MAGEA11: variants seen among roughly 807,000 people sequenced by gnomAD.
MAGEA11 encodes the protein melanoma-associated antigen 11.
MAGEA11 carries 1 observed loss-of-function variant against 8.4 expected under a neutral mutation model. That is an observed-to-expected ratio of 0.12 (90% CI 0.04 to 0.57). The LOEUF (loss-of-function observed/expected upper bound fraction) is 0.57, where lower values mean the gene tolerates loss of function less well. Ranked by LOEUF, MAGEA11 falls within the 20% of genes least tolerant of loss-of-function variation. The pLI is 0.91. For synonymous variants in MAGEA11, 127 were observed against 119.3 expected (o/e 1.06, Z -0.42); for missense variants, 209 against 317.3 (o/e 0.66, Z 2.59).
In MAGEA11 at chrX:149,714,278, G is replaced by C. The variant is rs782740170; in HGVS notation, c.97-203G>C. ...AAACCTTCAGGGAGATGAGGTCTTG[G>C]TGTAAAGGGATATGTCTGCTCATCT... On this transcript the variant is annotated intron_variant, in intron 2 of 4. Coordinates refer to ENST00000355220, the MANE Select transcript of MAGEA11 (RefSeq NM_005366.5). The C allele has an allele frequency of 2.6e-5, 14 of 537,296 alleles. No homozygotes were observed. The East Asian group carries it at 4.2e-4, about 16-fold the overall frequency. The allele number at this position is 537,296 out of a possible 1,213,427, so 44.3% of individuals were successfully genotyped here. A position where few individuals can be genotyped will look rare whatever the true frequency, so the allele number is the denominator to read the frequency against.
chrX:149,702,377 A>G (rs1014593897), intron 1 of MAGEA11, among the ~76,000 whole-genome samples: 5 of 111,309 alleles, frequency 4.5e-5, no homozygotes, highest in Admixed American at 2.9e-4. Flanking sequence ...AATGTTTCAT[A>G]TTTTTGATAG....
chrX:149,705,331 G>A (rs1262413869), intron 1 of MAGEA11, among the ~76,000 whole-genome samples: 1 of 111,416 alleles, frequency 9.0e-6, no homozygotes, highest in Non-Finnish European at 1.9e-5. Flanking sequence ...TGAGTCTCAC[G>A]AGATCTCATG....
intron 1 of MAGEA11, among the ~76,000 whole-genome samples, chrX:149,704,867 A>G (rs150345303): frequency 0.012 from 1,403 of 112,761 alleles, 15 homozygotes; most frequent in Non-Finnish European, 0.02. Context: ...AACCAGATAC[A>G]TGGTGGGGCA....
intron 1 of MAGEA11, chrX:149,688,996 T>G (rs782525232): frequency 9.8e-7 from 1 of 1,025,060 alleles, no homozygotes; most frequent in South Asian, 1.8e-5. Context: ...TAAGGGAATG[T>G]GCATCTGCAA....
chrX:149,703,053 G>A (rs1313162796), intron 1 of MAGEA11, among the ~76,000 whole-genome samples: 2 of 111,434 alleles, frequency 1.8e-5, no homozygotes, highest in Non-Finnish European at 3.8e-5. Flanking sequence ...AGCAGGCCTA[G>A]ACTAGAGCAA....
intron 1 of MAGEA11, among the ~76,000 whole-genome samples, chrX:149,690,695 A>G (rs2090306609): frequency 8.9e-6 from 1 of 112,429 alleles, no homozygotes; most frequent in African/African-American, 3.2e-5. Context: ...CATAATAAGG[A>G]AAATATGTTT....
intron 3 of MAGEA11, 124 bp downstream of exon 3, chrX:149,714,700 C>G (rs2090418549): frequency 9.4e-7 from 1 of 1,058,491 alleles, no homozygotes. Context: ...TGAGACCCCT[C>G]TCTTATACTG....
chrX:149,692,015 A>G (rs2090312592), intron 1 of MAGEA11, among the ~76,000 whole-genome samples: 1 of 112,818 alleles, frequency 8.9e-6, no homozygotes, highest in Non-Finnish European at 1.9e-5. Context: ...GCATAAAACC[A>G]CAAGTGGTCC....
intron 1 of MAGEA11, among the ~76,000 whole-genome samples, chrX:149,701,143 T>A (rs782665466): frequency 9.0e-6 from 1 of 111,686 alleles, no homozygotes; most frequent in East Asian, 2.8e-4. Flanking sequence ...ATCGCCACAC[T>A]GACTTCCACA....
At chrX:149,701,066 T>G (rs1176161952) in intron 1 of MAGEA11, among the ~76,000 whole-genome samples, 3 of 111,575 alleles carry the variant, frequency 2.7e-5, no homozygotes, top group Admixed American at 9.5e-5. Context: ...TTTATAGTCT[T>G]TTGGGTATAT....
intron 1 of MAGEA11, among the ~76,000 whole-genome samples, chrX:149,693,680 T>C (rs139045075): frequency 8.0e-5 from 9 of 112,381 alleles, no homozygotes; most frequent in Non-Finnish European, 1.7e-4. Context: ...AACATTTTCA[T>C]TATCCCCAAG....
upstream of MAGEA11, among the ~76,000 whole-genome samples, chrX:149,709,264 G>A (rs1178686032): frequency 2.9e-5 from 3 of 104,658 alleles, no homozygotes; most frequent in Non-Finnish European, 3.9e-5. Flanking sequence ...CAGCCTGGGC[G>A]ACTGAGCGAG....
intron 1 of MAGEA11, among the ~76,000 whole-genome samples, chrX:149,700,877 C>A (rs781871244): frequency 2.2e-4 from 23 of 105,017 alleles, no homozygotes; most frequent in Admixed American, 2.1e-3. Flanking sequence ...CATCCATGTC[C>A]CTACAAAGGA....
intron 2 of MAGEA11, 194 bp from the exon 3 acceptor site, chrX:149,714,287 G>A: frequency 5.3e-6 from 3 of 567,963 alleles, no homozygotes; most frequent in Non-Finnish European, 8.1e-6. Context: ...GGTGTAAAGG[G>A]ATATGTCTGC....
intron 1 of MAGEA11, among the ~76,000 whole-genome samples, chrX:149,689,928 A>T (rs1340584123): frequency 9.0e-6 from 1 of 111,242 alleles, no homozygotes; most frequent in Non-Finnish European, 1.9e-5. Flanking sequence ...GGGACTGTTT[A>T]CCCTCCCTCC....
intron 2 of MAGEA11, chrX:149,713,839 T>A (rs1448263686): frequency 8.9e-5 from 10 of 112,131 alleles, no homozygotes; most frequent in African/African-American, 2.9e-4. Flanking sequence ...GGAAAATTGA[T>A]GAAGACTGAA....
At chrX:149,713,102 C>G (rs1260176359) in intron 1 of MAGEA11, 41 bp from the exon 2 acceptor site, 2 of 921,773 alleles carry the variant, frequency 2.2e-6, no homozygotes, top group South Asian at 4.0e-5. Context: ...AGCCCCCCCC[C>G]ATAGTCCCGC....
intron 1 of MAGEA11, 127 bp downstream of exon 1, chrX:149,712,289 T>G: frequency 3.9e-6 from 1 of 257,670 alleles, no homozygotes; most frequent in Non-Finnish European, 5.3e-6. Flanking sequence ...ACAATCCCCC[T>G]CCTCAATGCC....
At chrX:149,688,868 G>A in exon 1 of MAGEA11, 1 of 698,078 alleles carries the variant, frequency 1.4e-6, no homozygotes, top group Non-Finnish European at 2.1e-6. Context: ...CCCAGTGGAG[G>A]CTGACAATTT....
Sources: gnomAD v4.1 joint callset for allele counts (sites outside exome capture counted in the v4.1 genomes callset) on GRCh38, gnomAD v4.1.1 for gene constraint, MANE v1.5 for transcripts, NCBI Gene and HGNC (gene_info 2026-07-23, HGNC 2026-07-21) for gene names.